The following CHL1 variants were observed in gnomAD, a reference collection of about 807,000 sequenced individuals.
The protein encoded by CHL1 is cell adhesion molecule L1 like.
CHL1 carries 96 observed loss-of-function variants against 141.9 expected under a neutral mutation model. The observed-to-expected ratio is 0.68, with a 90% CI of 0.57 to 0.80. CHL1 has a LOEUF of 0.80. Among genes scored for constraint, CHL1 ranks in the 30% least tolerant of loss-of-function variants. The pLI, the probability that CHL1 is intolerant of heterozygous loss-of-function variation, is 0.00. For missense variants in CHL1, 1,820 were observed against 1,457.2 expected (o/e 1.25, Z -4.05); for synonymous variants, 613 against 502.2 (o/e 1.22, Z -2.95).
chr3:341,739 T>G (rs2125148605), intron 6 of CHL1, among the ~76,000 whole-genome samples, 173 bp from the exon 7 acceptor site: 1 of 152,246 alleles, frequency 6.6e-6, no homozygotes, highest in Non-Finnish European at 1.5e-5. Context: ...TGTTTTTGTT[T>G]TGTTTTGTTT....
intron 14 of CHL1, among the ~76,000 whole-genome samples, chr3:365,124 A>T (rs1704710274): frequency 6.6e-6 from 1 of 152,200 alleles, no homozygotes; most frequent in Non-Finnish European, 1.5e-5. Flanking sequence ...TCAGAGTATA[A>T]TTATAGAATT....
rs762290860 is a variant in CHL1 at position 344,692 on chromosome 3, G to A, written c.831G>A (p.Glu277=). Reference sequence around the variant, plus strand: ...TCAAAGGGGAAATCTTGCTGCTTGAGTGTTTTGCTGAAGGCTTGTGAGTAA... The same window carrying A: ...TCAAAGGGGAAATCTTGCTGCTTGAATGTTTTGCTGAAGGCTTGTGAGTAA... ...TILKGEILLL[E]CFAEGLPTPQ... is the part of the protein sequence containing the mutation. The change falls in exon 9 of 28, where the codon GAG becomes GAA. Residue 277 remains glutamate (E), a synonymous_variant. Coordinates refer to ENST00000256509, the MANE Select transcript of CHL1 (RefSeq NM_006614.4). 4.3e-6 allele frequency: 7 copies of A among 1,613,776 alleles called. No individual in the cohort carries two copies. The highest frequency in any genetic ancestry group is 5.1e-6 in the Non-Finnish European group (6 of 1,179,804).
In CHL1 at chr3:405,478, G is replaced by A. The variant is rs1048209826; in HGVS notation, c.3459-17G>A. The stretch of plus-strand genomic sequence containing the variant: ...TATTAGATTTTGTTGAGCTATTTTT[G>A]TTTGTTTGTTTTCTAGTGACAGTGA... On this transcript the variant is annotated splice_polypyrimidine_tract_variant and intron_variant, in intron 27 of 27. Transcript: ENST00000256509. The A allele has an allele frequency of 6.5e-6, 10 of 1,536,538 alleles. No homozygotes were observed. In the Admixed American group the frequency reaches 1.2e-4, roughly 18 times the overall value.
chr3:280,128 C>A (rs189272751), intron 2 of CHL1, among the ~76,000 whole-genome samples: 1 of 151,744 alleles, frequency 6.6e-6, no homozygotes, highest in Admixed American at 6.6e-5. Flanking sequence ...GGTGAAGTGT[C>A]ATGTAATATC....
intron 1 of CHL1, among the ~76,000 whole-genome samples, chr3:230,934 G>A (rs146981999): frequency 6.6e-6 from 1 of 152,200 alleles, no homozygotes; most frequent in African/African-American, 2.4e-5. Context: ...TGCTCATGAA[G>A]GCACGTGCAT....
chr3:334,140 G>T (rs367635985), intron 5 of CHL1, among the ~76,000 whole-genome samples: 3 of 151,964 alleles, frequency 2.0e-5, no homozygotes, highest in Non-Finnish European at 2.9e-5. Flanking sequence ...CTTTTTTGAA[G>T]TATAATTTAC....
In CHL1 at chr3:279,272, TTTTTC is replaced by T. The variant is rs752092113; in HGVS notation, c.-95+34597_-95+34601del. On this transcript the variant is annotated intron_variant, in intron 2 of 27. Transcript: ENST00000256509. ...AGAAAGTATCCGGTTTCTTGCATCATTTTTCTTTTCTTTTCTTTTCTATTTTGGAT... is the reference window on the plus strand; with the variant it reads ...AGAAAGTATCCGGTTTCTTGCATCATTTTTCTTTTCTTTTCTATTTTGGAT... Among the ~76,000 whole-genome samples the T allele has an allele frequency of 1.6e-4, 25 of 152,288 alleles. No individual in the cohort carries two copies. The South Asian group carries it at 1.9e-3, about 11-fold the overall frequency.
At chr3:240,968 A>G (rs918727124) in intron 1 of CHL1, among the ~76,000 whole-genome samples, 2 of 152,174 alleles carry the variant, frequency 1.3e-5, no homozygotes, top group Non-Finnish European at 2.9e-5. Flanking sequence ...GCCTAGTTTT[A>G]TACAAGTACC....
intron 2 of CHL1, among the ~76,000 whole-genome samples, chr3:256,530 C>T (rs408644): frequency 0.38 from 58,215 of 152,014 alleles, 11,360 homozygotes; most frequent in South Asian, 0.61. Context: ...ATATTTTTAG[C>T]TGTTAACGCT....
intron 1 of CHL1, among the ~76,000 whole-genome samples, chr3:243,134 T>C (rs1182804665): frequency 6.6e-6 from 1 of 152,104 alleles, no homozygotes; most frequent in African/African-American, 2.4e-5. Context: ...CTAGATTAAG[T>C]CATGTAACAT....
At chr3:381,986 G>A (rs1337573356) in intron 16 of CHL1, among the ~76,000 whole-genome samples, 193 bp from the exon 17 acceptor site, 2 of 143,678 alleles carry the variant, frequency 1.4e-5, no homozygotes, top group Non-Finnish European at 1.5e-5. Context: ...ACTTCTTAGG[G>A]CTAGCTAGGT....
intron 1 of CHL1, among the ~76,000 whole-genome samples, chr3:205,100 C>T (rs1188933489): frequency 2.3e-5 from 1 of 44,138 alleles, no homozygotes; most frequent in Non-Finnish European, 5.8e-5. Flanking sequence ...TTCTTTCTTT[C>T]TTTCTTTTTT....
intron 23 of CHL1, among the ~76,000 whole-genome samples, chr3:392,275 G>GTACCT (rs1708287727): frequency 6.6e-6 from 1 of 152,192 alleles, no homozygotes. Context: ...CAAAGCATAG[G>GTACCT]TACCTTCCAC....
intron 2 of CHL1, among the ~76,000 whole-genome samples, chr3:282,138 G>T (rs1254200423): frequency 6.6e-6 from 1 of 151,572 alleles, no homozygotes. Flanking sequence ...TGTTTCTTTT[G>T]TTGTAGCTTT....
At chr3:343,360 AG>A (rs946235356) in intron 8 of CHL1, among the ~76,000 whole-genome samples, 1 of 152,186 alleles carries the variant, frequency 6.6e-6, no homozygotes, top group African/African-American at 2.4e-5. Context: ...CAGAAAGAAA[AG>A]AAATGGTTAA....
intron 2 of CHL1, among the ~76,000 whole-genome samples, chr3:292,973 C>T (rs780997679): frequency 2.0e-5 from 3 of 152,186 alleles, no homozygotes; most frequent in Non-Finnish European, 4.4e-5. Flanking sequence ...GCTGTATCAC[C>T]AAGTGAACTA....
chr3:278,947 G>T (rs911508428), intron 2 of CHL1, among the ~76,000 whole-genome samples: 3 of 152,128 alleles, frequency 2.0e-5, no homozygotes, highest in Non-Finnish European at 4.4e-5. Context: ...CTTGCCTTTC[G>T]AATGGTTTCA....
At chr3:349,687 C>A in intron 10 of CHL1, 144 bp downstream of exon 10, 3 of 679,616 alleles carry the variant, frequency 4.4e-6, no homozygotes, top group Non-Finnish European at 5.0e-6. Context: ...AATTATATTA[C>A]ACTTCAACTA....
intron 2 of CHL1, among the ~76,000 whole-genome samples, chr3:246,328 G>A (rs763261996): frequency 1.2e-4 from 18 of 151,980 alleles, no homozygotes; most frequent in African/African-American, 2.2e-4. Flanking sequence ...CTTCTTGCTC[G>A]TAGCCCTGCA....
Sources: gnomAD v4.1 joint callset for allele counts (sites outside exome capture counted in the v4.1 genomes callset) on GRCh38, gnomAD v4.1.1 for gene constraint, MANE v1.5 for transcripts, NCBI Gene and HGNC (gene_info 2026-07-23, HGNC 2026-07-21) for gene names.